Variants in ZNF7 observed in about 807,000 individuals in gnomAD.
ZNF7 encodes zinc finger protein 7.
Under a neutral mutation model 12.0 loss-of-function variants are expected in ZNF7, and 10 were observed. That is an observed-to-expected ratio of 0.83 (90% CI 0.51 to 1.42). The LOEUF (loss-of-function observed/expected upper bound fraction) is 1.42. ZNF7 is among the 40% of genes most tolerant of loss of function. ZNF7 has a pLI of 0.00. For synonymous variants in ZNF7, 334 were observed against 295.0 expected (o/e 1.13, Z -1.35); for missense variants, 854 against 837.2 (o/e 1.02, Z -0.25).
chr8:144,830,173 A>G (rs1828274404), intron 3 of ZNF7, among the ~76,000 whole-genome samples: 1 of 152,172 alleles, frequency 6.6e-6, no homozygotes, highest in African/African-American at 2.4e-5. Flanking sequence ...CTTGCCTGTG[A>G]CTAAGCCCTC....
Position 144,829,093 on chromosome 8 carries a change from A to C in ZNF7, c.3+3A>C. 6.2e-7 allele frequency: 1 copy of C among 1,614,014 alleles called. No individual in the cohort carries two copies. Among genetic ancestry groups the C allele is most frequent in the Non-Finnish European group, 8.5e-7 (1 of 1,179,960 alleles). ...CCCACCCACCACTGAGCCTCATGGT[A>C]GGAAGCTTGACTGCCTCCTTCCCCT... is the stretch of plus-strand genomic sequence containing the variant. On this transcript the variant is annotated splice_donor_region_variant and intron_variant, in intron 2 of 4. Coordinates refer to ENST00000532777, the MANE Select transcript of ZNF7 (RefSeq NM_003416.4).
At chr8:144,829,929 GGTT>G (rs1381970599) in intron 3 of ZNF7, 1 of 191,908 alleles carries the variant, frequency 5.2e-6, no homozygotes, top group Non-Finnish European at 1.1e-5. Context: ...CCAAGGAAAA[GGTT>G]GTGCAACGAG....
At chr8:144,836,454 A>G (rs1829000892) in intron 3 of ZNF7, 1 of 152,224 alleles carries the variant, frequency 6.6e-6, no homozygotes, top group Admixed American at 6.5e-5. Flanking sequence ...AATGGCATCT[A>G]AGCACCATTT....
intron 3 of ZNF7, chr8:144,837,184 C>T: frequency 2.5e-6 from 1 of 407,642 alleles, no homozygotes. Flanking sequence ...CCCTTGCTGT[C>T]CAGCCACAGG....
chr8:144,840,855 G>GGTGCC (rs1483389674), intron 4 of ZNF7, among the ~76,000 whole-genome samples: 2 of 152,160 alleles, frequency 1.3e-5, no homozygotes, highest in Admixed American at 1.3e-4. Flanking sequence ...GAACGGCCTA[G>GGTGCC]GTGCCCAGTG....
At chr8:144,833,504 G>C (rs1243024723) in intron 3 of ZNF7, among the ~76,000 whole-genome samples, 1 of 151,912 alleles carries the variant, frequency 6.6e-6, no homozygotes, top group Non-Finnish European at 1.5e-5. Context: ...GAGTAGCTGG[G>C]ATTACAGCTA....
chr8:144,843,857 A>G (rs1450258129), downstream of ZNF7: 3 of 152,194 alleles, frequency 2.0e-5, no homozygotes, highest in Admixed American at 1.3e-4. Context: ...ACGGAAATGC[A>G]TTAGCTCATG....
Position 144,837,874 on chromosome 8 carries a change from G to A in ZNF7, c.247+367G>A, listed in dbSNP as rs75979195. On this transcript the variant is annotated intron_variant, in intron 4 of 4. Coordinates refer to ENST00000532777, the MANE Select transcript of ZNF7 (RefSeq NM_003416.4). ...GTTTGGCATTCAGTAACCTCTCCTC[G>A]GGTAAGCATATTCCCTGAGGCAGCT... 1.5e-3 allele frequency: 851 copies of A among 555,936 alleles called. 2 individuals are homozygous for A. The highest frequency in any genetic ancestry group is 0.013 in the African/African-American group (688 of 53,396). 34.4% of individuals were successfully genotyped at this position (555,936 alleles called of 1,614,324 possible).
downstream of ZNF7, among the ~76,000 whole-genome samples, chr8:144,844,724 A>T (rs1465488115): frequency 1.6e-5 from 1 of 60,872 alleles, no homozygotes; most frequent in Admixed American, 1.3e-4. Flanking sequence ...AAAAAAAAAA[A>T]AAAAAAAAAA....
At chr8:144,832,771 C>G (rs973944047) in intron 3 of ZNF7, among the ~76,000 whole-genome samples, 1 of 152,216 alleles carries the variant, frequency 6.6e-6, no homozygotes. Flanking sequence ...AGATGGGCTT[C>G]ATTTTCTCCT....
rs146760497 is a variant in ZNF7 at position 144,842,328 on chromosome 8, C to T, written c.1221C>T (p.His407=). ...GCCTTGTTGCACATCAGAGAATTCA[C>T]GCTGTAGAGAAACCATTTAAGTGTG... The part of the protein sequence containing the change: ...SPSLVAHQRI[H]AVEKPFKCDE... The change falls in exon 5 of 5, where the codon CAC becomes CAT. Residue 407 remains histidine (H), a synonymous_variant. Transcript: ENST00000532777. 333 of 1,613,976 alleles carry T rather than the reference C, an allele frequency of 2.1e-4. 5 individuals are homozygous for T. In the East Asian group the frequency reaches 5.3e-3, roughly 26 times the overall value.
At chr8:144,828,867 G>A in intron 1 of ZNF7, 176 bp from the exon 2 acceptor site, 2 of 729,344 alleles carry the variant, frequency 2.7e-6, no homozygotes, top group Non-Finnish European at 4.5e-6. Context: ...AGAGGAACAA[G>A]AGTTCAGTGG....
At chr8:144,831,166 A>C in intron 3 of ZNF7, 2 of 357,348 alleles carry the variant, frequency 5.6e-6, no homozygotes, top group Non-Finnish European at 1.1e-5. Context: ...TGTACCAGTA[A>C]CTGGAATTGC....
chr8:144,838,412 TG>T (rs1419207882), intron 4 of ZNF7: 1 of 451,638 alleles, frequency 2.2e-6, no homozygotes, highest in African/African-American at 2.0e-5. Context: ...CAGCTCCTGC[TG>T]GGCAGGCGCC....
At position 144,841,343 on chromosome 8, in the gene ZNF7, T is replaced by C; in HGVS notation, c.248-12T>C. The C allele has an allele frequency of 6.3e-7, 1 of 1,592,000 alleles. No individual in the cohort carries two copies. ...AGGGCCTAAGGAACGTCTTTGTTCC[T>C]GTTTATTTCAGATTCTACGATTAGG... On this transcript the variant is annotated splice_polypyrimidine_tract_variant and intron_variant, in intron 4 of 4. Transcript: ENST00000532777.
chr8:144,838,278 G>A (rs991096870), intron 4 of ZNF7: 17 of 599,378 alleles, frequency 2.8e-5, no homozygotes, highest in South Asian at 2.2e-4. Flanking sequence ...TGACCTCATG[G>A]TGACTAATTA....
chr8:144,833,359 T>C (rs1260082959), intron 3 of ZNF7, among the ~76,000 whole-genome samples: 9 of 106,010 alleles, frequency 8.5e-5, no homozygotes, highest in Non-Finnish European at 2.2e-4. Flanking sequence ...TTTGTTTGTT[T>C]GTTCATTTGT....
Position 144,842,835 on chromosome 8 carries a change from A to C in ZNF7, c.1728A>C (p.Ala576=). ...STLFQHQIIH[A]GVKPYECSEC... Reference sequence around the variant, plus strand: ...TTTTCCAACACCAGATAATTCATGCAGGGGTGAAGCCCTATGAGTGCAGTG... The same window carrying C: ...TTTTCCAACACCAGATAATTCATGCCGGGGTGAAGCCCTATGAGTGCAGTG... Residue 576 remains alanine (A), a synonymous_variant, in exon 5 of 5, where the codon GCA becomes GCC. Transcript: ENST00000532777. 6.2e-7 allele frequency: 1 copy of C among 1,614,182 alleles called. No individual in the cohort carries two copies. Among genetic ancestry groups the C allele is most frequent in the Non-Finnish European group, 8.5e-7 (1 of 1,180,028 alleles).
chr8:144,840,957 T>C lies in ZNF7; in HGVS notation c.248-398T>C, dbSNP rs118056871. ...TGCTCTCCATTCAGAACTCAGACCC[T>C]GTACTGTTTCCTCGCCAGCTCGGAT... On this transcript the variant is annotated intron_variant, in intron 4 of 4. Coordinates refer to ENST00000532777, the MANE Select transcript of ZNF7 (RefSeq NM_003416.4). The C allele has an allele frequency of 7.6e-4, 152 of 198,748 alleles. 2 individuals are homozygous for C. In the East Asian group the frequency reaches 0.019, roughly 25 times the overall value. 12.3% of individuals were successfully genotyped at this position (198,748 alleles called of 1,614,324 possible).
Sources: gnomAD v4.1 joint callset for allele counts (sites outside exome capture counted in the v4.1 genomes callset) on GRCh38, gnomAD v4.1.1 for gene constraint, MANE v1.5 for transcripts, NCBI Gene and HGNC (gene_info 2026-07-23, HGNC 2026-07-21) for gene names.